The following ENTREP2 variants were observed in gnomAD, a reference collection of about 807,000 sequenced individuals.
ENTREP2 encodes the protein endosomal transmembrane epsin interactor 2.
the ENTREP2 span, among the ~76,000 whole-genome samples, chr15:29,472,454 CACACACACACACACACACAT>C: frequency 2.0e-5 from 3 of 149,752 alleles, no homozygotes; most frequent in African/African-American, 5.0e-5. Context: ...CACACACACA[CACACACACACACACACACAT>C]ATAAATTTGA....
At chr15:29,318,596 GGGT>G in the ENTREP2 span, among the ~76,000 whole-genome samples, 1 of 152,084 alleles carries the variant, frequency 6.6e-6, no homozygotes, top group Non-Finnish European at 1.5e-5. Context: ...CTGAGATTAA[GGGT>G]GTGAGCCACC....
chr15:29,554,447 C>A, the ENTREP2 span, among the ~76,000 whole-genome samples: 14 of 151,780 alleles, frequency 9.2e-5, no homozygotes, highest in South Asian at 2.1e-4. Flanking sequence ...GGAAGGAGAG[C>A]CGAAGGGGAT....
At chr15:29,406,032 G>A in the ENTREP2 span, among the ~76,000 whole-genome samples, 27 of 152,208 alleles carry the variant, frequency 1.8e-4, no homozygotes, top group Non-Finnish European at 2.8e-4. Context: ...CATGTGGCTG[G>A]GTTCTATTTA....
At chr15:29,535,627 T>C in the ENTREP2 span, among the ~76,000 whole-genome samples, 2 of 152,134 alleles carry the variant, frequency 1.3e-5, no homozygotes, top group Admixed American at 6.6e-5. Context: ...GAGTGCGGGA[T>C]GCAATGAGCT....
the ENTREP2 span, among the ~76,000 whole-genome samples, chr15:29,471,890 C>CG: frequency 6.6e-6 from 1 of 152,164 alleles, no homozygotes; most frequent in Non-Finnish European, 1.5e-5. Flanking sequence ...CCAGCAGCCC[C>CG]GGGAGAATCA....
the ENTREP2 span, among the ~76,000 whole-genome samples, chr15:29,343,034 G>GGGC: frequency 6.8e-6 from 1 of 147,374 alleles, no homozygotes; most frequent in African/African-American, 2.4e-5. Flanking sequence ...GAATGGGGGG[G>GGGC]GTGGTTCTTC....
chr15:29,646,269 C>T, the ENTREP2 span, among the ~76,000 whole-genome samples: 1 of 152,212 alleles, frequency 6.6e-6, no homozygotes, highest in Admixed American at 6.5e-5. Context: ...GCTTGACTGG[C>T]TTCTCTGCTC....
chr15:29,421,170 A>T, the ENTREP2 span, among the ~76,000 whole-genome samples: 1 of 152,214 alleles, frequency 6.6e-6, no homozygotes, highest in Non-Finnish European at 1.5e-5. Context: ...TATTACTGAG[A>T]GGCTATTGCA....
chr15:29,476,288 C>T, the ENTREP2 span, among the ~76,000 whole-genome samples: 1 of 152,166 alleles, frequency 6.6e-6, no homozygotes, highest in Admixed American at 6.5e-5. Flanking sequence ...TCAGAAGCCA[C>T]CATAAAGTTG....
the ENTREP2 span, among the ~76,000 whole-genome samples, chr15:29,494,240 A>C: frequency 6.6e-6 from 1 of 152,166 alleles, no homozygotes. Flanking sequence ...CCAATATTTC[A>C]ATAACAATCA....
At chr15:29,219,343 A>C in the ENTREP2 span, among the ~76,000 whole-genome samples, 578 of 152,094 alleles carry the variant, frequency 3.8e-3, 6 homozygotes, top group African/African-American at 0.013. Context: ...TGGATGCAGT[A>C]AACAGGGAAC....
chr15:29,521,804 A>C, the ENTREP2 span, among the ~76,000 whole-genome samples: 1 of 152,164 alleles, frequency 6.6e-6, no homozygotes, highest in African/African-American at 2.4e-5. Flanking sequence ...TGTGAATATA[A>C]AATATTTCCT....
chr15:29,184,426 G>T, the ENTREP2 span, among the ~76,000 whole-genome samples: 3 of 152,190 alleles, frequency 2.0e-5, no homozygotes, highest in African/African-American at 7.2e-5. Context: ...CGATTCTTCA[G>T]GCACCACCTA....
chr15:29,145,590 T>G, the ENTREP2 span, among the ~76,000 whole-genome samples: 1 of 116,846 alleles, frequency 8.6e-6, no homozygotes. Flanking sequence ...ACCACTGCAC[T>G]CCAGCCTGGG....
the ENTREP2 span, among the ~76,000 whole-genome samples, chr15:29,551,290 T>C: frequency 6.6e-6 from 1 of 152,130 alleles, no homozygotes; most frequent in African/African-American, 2.4e-5. Flanking sequence ...GTGGCAAAGC[T>C]TCTAGTGTTT....
chr15:29,635,987 T>C, the ENTREP2 span, among the ~76,000 whole-genome samples: 2 of 152,116 alleles, frequency 1.3e-5, no homozygotes, highest in Non-Finnish European at 2.9e-5. Context: ...AACAAATGTC[T>C]CCTTCTCATG....
At chr15:29,266,763 CT>C in the ENTREP2 span, 3 of 152,276 alleles carry the variant, frequency 2.0e-5, no homozygotes, top group South Asian at 6.2e-4. Context: ...TAGCCACAGA[CT>C]TTTGTTACCT....
At chr15:29,235,126 AC>A in the ENTREP2 span, 1 of 990,712 alleles carries the variant, frequency 1.0e-6, no homozygotes, top group Non-Finnish European at 1.6e-6. Flanking sequence ...GGCAGGAGCC[AC>A]CCCGAGACAT....
At chr15:29,196,696 G>A in the ENTREP2 span, 1 of 938,950 alleles carries the variant, frequency 1.1e-6, no homozygotes, top group Non-Finnish European at 1.5e-6. Flanking sequence ...TGTTTAAGTA[G>A]TACAGCAAAA....
Sources: allele counts gnomAD v4.1 joint callset (sites outside exome capture counted in the v4.1 genomes callset), GRCh38; gene constraint gnomAD v4.1.1; transcripts MANE v1.5; gene names NCBI Gene and HGNC (gene_info 2026-07-23, HGNC 2026-07-21).